Variants in NCOR1 observed in about 807,000 individuals in gnomAD.
NCOR1 encodes nuclear receptor corepressor 1.
NCOR1 carries 63 observed loss-of-function variants against 288.1 expected under a neutral mutation model. The observed-to-expected ratio is 0.22, with a 90% CI of 0.18 to 0.27. NCOR1 has a LOEUF of 0.27. Among genes scored for constraint, NCOR1 ranks in the 10% least tolerant of loss-of-function variants. The pLI is 1.00. For missense variants in NCOR1, 2,397 were observed against 3,019.2 expected (o/e 0.79, Z 4.83); for synonymous variants, 1,007 against 1,065.9 (o/e 0.94, Z 1.08).
chr17:16,159,325 A>C (rs2080342506), intron 5 of NCOR1, among the ~76,000 whole-genome samples: 1 of 151,374 alleles, frequency 6.6e-6, no homozygotes, highest in African/African-American at 2.4e-5. Flanking sequence ...AGGCAGGAGA[A>C]TCACTTGAAC....
chr17:16,175,093 T>G (rs548619276), intron 3 of NCOR1, among the ~76,000 whole-genome samples: 2 of 151,572 alleles, frequency 1.3e-5, no homozygotes, highest in African/African-American at 4.8e-5. Flanking sequence ...TAGGGCAAGA[T>G]GCCGTGGCTC....
intron 5 of NCOR1, among the ~76,000 whole-genome samples, chr17:16,164,242 G>GAA (rs1437891074): frequency 1.9e-5 from 2 of 104,228 alleles, no homozygotes; most frequent in African/African-American, 3.3e-5. Flanking sequence ...CTCCAAATCT[G>GAA]GAAAAAAAAA....
rs139726838 is a variant in NCOR1 at position 16,159,895 on chromosome 17, A to G, written c.619-1022T>C. On this transcript the variant is annotated intron_variant, in intron 5 of 45. Coordinates refer to ENST00000268712, the MANE Select transcript of NCOR1 (RefSeq NM_006311.4). ...GCTCTGTCACCAAGGCTGGAGTGCA[A>G]TGGCGCTCACTGCAACCTCCGCTTC... Among the ~76,000 whole-genome samples the G allele has an allele frequency of 6.1e-3, 913 of 150,810 alleles. 15 individuals are homozygous for G. Among genetic ancestry groups the G allele is most frequent in the African/African-American group, 0.021 (846 of 40,990 alleles).
chr17:16,211,285 C>T (rs2092106005), intron 1 of NCOR1, among the ~76,000 whole-genome samples: 2 of 150,582 alleles, frequency 1.3e-5, no homozygotes, highest in South Asian at 4.2e-4. Context: ...GAGAGACAGT[C>T]TTGCTCTGTC....
chr17:16,171,726 T>A, intron 4 of NCOR1, 77 bp downstream of exon 4: 1 of 1,273,908 alleles, frequency 7.8e-7, no homozygotes, highest in African/African-American at 1.5e-5. Flanking sequence ...GGACTTTCTT[T>A]GAGGTGCTAT....
chr17:16,048,723 C>CT (rs1249143296), intron 41 of NCOR1, 122 bp downstream of exon 41: 3 of 1,072,890 alleles, frequency 2.8e-6, no homozygotes, highest in Admixed American at 6.7e-5. Flanking sequence ...AAATGATCCT[C>CT]TAAGAATGCC....
intron 14 of NCOR1, among the ~76,000 whole-genome samples, chr17:16,130,673 C>A (rs534063007): frequency 1.6e-4 from 25 of 152,156 alleles, no homozygotes; most frequent in East Asian, 1.2e-3. Context: ...AAGTGTATTT[C>A]TTTTTATTTT....
chr17:16,168,040 T>C (rs951689950), intron 4 of NCOR1, among the ~76,000 whole-genome samples: 14 of 151,920 alleles, frequency 9.2e-5, no homozygotes, highest in African/African-American at 3.4e-4. Context: ...AAAAACAATT[T>C]ACAAAACAGG....
At chr17:16,118,133 A>G in intron 17 of NCOR1, 106 bp from the exon 18 acceptor site, 1 of 1,142,498 alleles carries the variant, frequency 8.8e-7, no homozygotes, top group Non-Finnish European at 1.2e-6. Flanking sequence ...CATTGACACT[A>G]GAAGTGTGCT....
At chr17:16,168,513 C>T (rs1356915697) in intron 4 of NCOR1, among the ~76,000 whole-genome samples, 1 of 151,842 alleles carries the variant, frequency 6.6e-6, no homozygotes, top group Non-Finnish European at 1.5e-5. Flanking sequence ...GAAGTGGGTA[C>T]CTTTATACAC....
At chr17:16,097,628 T>G (rs985422134) in intron 21 of NCOR1, among the ~76,000 whole-genome samples, 2 of 152,220 alleles carry the variant, frequency 1.3e-5, no homozygotes, top group Admixed American at 6.5e-5. Flanking sequence ...ACACCCCTTC[T>G]GCACACCTTG....
intron 3 of NCOR1, among the ~76,000 whole-genome samples, chr17:16,183,141 C>T: frequency 6.7e-6 from 1 of 148,366 alleles, no homozygotes; most frequent in African/African-American, 2.5e-5. Flanking sequence ...GGATCGGATC[C>T]TTTTCCCATC....
At chr17:16,042,318 T>C (rs559537397) in intron 42 of NCOR1, among the ~76,000 whole-genome samples, 1 of 152,198 alleles carries the variant, frequency 6.6e-6, no homozygotes, top group South Asian at 2.1e-4. Flanking sequence ...TTGATAGATA[T>C]TTAATTGAGC....
At chr17:16,040,112 A>G (rs1192658565) in intron 43 of NCOR1, 6 of 499,136 alleles carry the variant, frequency 1.2e-5, no homozygotes, top group East Asian at 5.4e-5. Flanking sequence ...TAATCCACAG[A>G]TAACTCCTTA....
chr17:16,160,690 G>A (rs907202788), intron 5 of NCOR1, among the ~76,000 whole-genome samples: 32 of 152,156 alleles, frequency 2.1e-4, no homozygotes, highest in African/African-American at 7.5e-4. Context: ...TACTCAGGAG[G>A]CCGAGGCAGA....
At chr17:16,154,879 G>T (rs2079469813) in intron 6 of NCOR1, among the ~76,000 whole-genome samples, 1 of 152,150 alleles carries the variant, frequency 6.6e-6, no homozygotes. Flanking sequence ...CAATATTTAG[G>T]AGGTGGGACT....
At chr17:16,044,937 ATGGGCTTTTGGTTG>A (rs2058408531) in intron 42 of NCOR1, 1 of 615,060 alleles carries the variant, frequency 1.6e-6, no homozygotes, top group Non-Finnish European at 3.0e-6. Flanking sequence ...TGATGATGAC[ATGGGCTTTTGGTTG>A]TTTTGACTAA....
intron 44 of NCOR1, among the ~76,000 whole-genome samples, chr17:16,035,607 C>T (rs1212603080): frequency 1.3e-5 from 2 of 150,074 alleles, no homozygotes; most frequent in East Asian, 2.0e-4. Context: ...ACAATCACGG[C>T]TTACCAGCTC....
At chr17:16,041,462 G>T (rs2057597107) in intron 42 of NCOR1, among the ~76,000 whole-genome samples, 1 of 124,314 alleles carries the variant, frequency 8.0e-6, no homozygotes, top group African/African-American at 3.1e-5. Flanking sequence ...CACCCAGGCT[G>T]GAGTGCAATG....
Sources: gnomAD v4.1 joint callset for allele counts (sites outside exome capture counted in the v4.1 genomes callset) on GRCh38, gnomAD v4.1.1 for gene constraint, MANE v1.5 for transcripts, NCBI Gene and HGNC (gene_info 2026-07-23, HGNC 2026-07-21) for gene names.